The following ELN variants were observed in gnomAD, a reference collection of about 807,000 sequenced individuals.
The protein encoded by ELN is tropoelastin.
A neutral mutation model predicts 105.8 loss-of-function variants in ELN; 65 were observed. The ratio of observed to expected loss-of-function variants is 0.61; its 90% CI spans 0.50 to 0.75. ELN has a LOEUF of 0.75. Among genes scored for constraint, ELN ranks in the 30% least tolerant of loss-of-function variants. The pLI, the probability that ELN is intolerant of heterozygous loss-of-function variation, is 0.00. For missense variants in ELN, 882 were observed against 969.4 expected, an observed-to-expected ratio of 0.91 and a Z score of 1.20; for synonymous variants, 368 against 389.2, an observed-to-expected ratio of 0.95 and a Z score of 0.64.
Position 74,060,472 on chromosome 7 carries a change from T to G in ELN, c.1718T>G (p.Val573Gly), listed in dbSNP as rs782570646. The change falls in exon 25 of 33, where the codon GTT becomes GGT. Residue 573 changes from valine (V) to glycine (G), a missense_variant. Val to Gly is a moderately radical substitution (Grantham distance 109). Transcript: ENST00000252034. ...GGTGCTGGTGTTCCTGGACTTGGAG[T>G]TGGTGCTGGTGTTCCTGGCTTCGGG... ...GVGAGVPGLG[V>G]GAGVPGFGAV... is the part of the protein sequence containing the mutation. 1.9e-6 allele frequency: 3 copies of G among 1,613,966 alleles called. No homozygotes were observed. Among genetic ancestry groups the G allele is most frequent in the Non-Finnish European group, 2.5e-6 (3 of 1,179,982 alleles).
chr7:74,058,773 G>A (rs1554682081), intron 22 of ELN, among the ~76,000 whole-genome samples: 1 of 152,192 alleles, frequency 6.6e-6, no homozygotes, highest in African/African-American at 2.4e-5. Flanking sequence ...GAGCTCAACT[G>A]TATGTCAGGC....
Position 74,046,799 on chromosome 7 carries a change from C to T in ELN, c.643+32C>T. 2.5e-6 allele frequency: 4 copies of T among 1,612,390 alleles called. No individual in the cohort carries two copies. The South Asian group carries it at 4.4e-5, about 18-fold the overall frequency. On this transcript the variant is annotated intron_variant, in intron 12 of 32. Transcript: ENST00000252034. ...CAGAGGGACGGTTCAAGATGCACCA[C>T]TCGGCCGGGTGTGGTGGTTCACACC...
intron 1 of ELN, among the ~76,000 whole-genome samples, chr7:74,033,783 C>T (rs1489917482): frequency 3.3e-5 from 5 of 152,236 alleles, no homozygotes; most frequent in Admixed American, 6.5e-5. Context: ...CAGAGACACC[C>T]GTTCCCCCAG....
intron 23 of ELN, 26 bp downstream of exon 23, chr7:74,060,073 G>A (rs56271505): frequency 6.2e-7 from 1 of 1,614,156 alleles, no homozygotes; most frequent in African/African-American, 1.3e-5. Context: ...CAATGAGCCT[G>A]AGGGGCCCCC....
At chr7:74,060,695 C>CA (rs1175834909) in intron 25 of ELN, 194 bp downstream of exon 25, 1 of 1,442,958 alleles carries the variant, frequency 6.9e-7, no homozygotes, top group African/African-American at 1.4e-5. Context: ...CCAGGCTGCC[C>CA]AATTGCAGAG....
At chr7:74,043,221 G>A in intron 8 of ELN, 53 bp downstream of exon 8, 1 of 1,555,190 alleles carries the variant, frequency 6.4e-7, no homozygotes, top group Non-Finnish European at 8.7e-7. Context: ...GGGGCAGAGG[G>A]CAGGGAGGAA....
rs1792226055 is a variant in ELN at position 74,045,384 on chromosome 7, G to T, written c.541+91G>T. 3 of 1,446,426 alleles carry T rather than the reference G, an allele frequency of 2.1e-6. No homozygotes were observed. The South Asian group carries it at 3.5e-5, about 17-fold the overall frequency. 89.6% of individuals were successfully genotyped at this position (1,446,426 alleles called of 1,614,324 possible). A position where few individuals can be genotyped will look rare whatever the true frequency, so the allele number is the denominator to read the frequency against. Reference sequence around the variant, plus strand: ...TGAAATGGGGTGGGATCCTGGACTGGCTCAGGGCCCTCTGGGTGACACTTT... The same window carrying T: ...TGAAATGGGGTGGGATCCTGGACTGTCTCAGGGCCCTCTGGGTGACACTTT... On this transcript the variant is annotated intron_variant, in intron 10 of 32. Transcript: ENST00000252034.
intron 26 of ELN, 100 bp downstream of exon 26, chr7:74,061,239 G>T: frequency 6.7e-7 from 1 of 1,486,464 alleles, no homozygotes; most frequent in Non-Finnish European, 9.3e-7. Flanking sequence ...AGTTTCGGCC[G>T]GGCGTGGTGG....
At chr7:74,052,863 A>G (rs1309413165) in intron 17 of ELN, 6 of 402,512 alleles carry the variant, frequency 1.5e-5, no homozygotes, top group Admixed American at 4.0e-5. Flanking sequence ...GGGAGAGAGA[A>G]AGAAAGAAAG....
At chr7:74,054,124 G>A (rs1794739129) in intron 18 of ELN, among the ~76,000 whole-genome samples, 1 of 152,240 alleles carries the variant, frequency 6.6e-6, no homozygotes, top group African/African-American at 2.4e-5. Flanking sequence ...GCAGATAGAT[G>A]AGTGGACAGA....
intron 11 of ELN, 163 bp from the exon 12 acceptor site, chr7:74,046,533 A>G: frequency 1.3e-6 from 1 of 796,232 alleles, no homozygotes; most frequent in Non-Finnish European, 2.1e-6. Context: ...TGTCACTGGG[A>G]ATTTCTCAAC....
chr7:74,036,200 G>T (rs781811504), intron 2 of ELN, among the ~76,000 whole-genome samples: 1 of 151,920 alleles, frequency 6.6e-6, no homozygotes, highest in Non-Finnish European at 1.5e-5. Context: ...TAAGGCAGGA[G>T]AATGATGTGA....
chr7:74,050,490 C>A (rs187942452), intron 15 of ELN, among the ~76,000 whole-genome samples: 1 of 151,890 alleles, frequency 6.6e-6, no homozygotes, highest in Non-Finnish European at 1.5e-5. Context: ...CCCATTCTTC[C>A]GTGCATCCCT....
intron 9 of ELN, among the ~76,000 whole-genome samples, chr7:74,044,185 G>A (rs1791920943): frequency 6.6e-6 from 1 of 152,124 alleles, no homozygotes; most frequent in Non-Finnish European, 1.5e-5. Flanking sequence ...AGGCTGCAGT[G>A]AGCTACGATG....
At chr7:74,046,599 G>A (rs998552289) in intron 11 of ELN, 97 bp from the exon 12 acceptor site, 1 of 1,342,722 alleles carries the variant, frequency 7.4e-7, no homozygotes, top group Non-Finnish European at 1.1e-6. Context: ...TCTGGATGCT[G>A]TAGCAAGCTC....
At position 74,063,628 on chromosome 7, in the gene ELN, G is replaced by T. The variant is rs782648490; in HGVS notation, c.1926G>T (p.Val642=). Reference sequence around the variant, plus strand: ...GCTCAGCTGTCTCCACAGGCCTAGTGGGAGCCGCTGGGCTCGGAGGACTCG... The same window carrying T: ...GCTCAGCTGTCTCCACAGGCCTAGTTGGAGCCGCTGGGCTCGGAGGACTCG... The part of the protein sequence containing the change: ...AAAKAAQFGL[V]GAAGLGGLGV... Residue 642 remains valine (V), a synonymous_variant, in exon 29 of 33, where the codon GTG becomes GTT. Coordinates refer to ENST00000252034, the MANE Select transcript of ELN (RefSeq NM_000501.4). The surrounding 1 kb of genome is among the most constrained non-coding windows in gnomAD (Gnocchi z 4.1). The T allele has an allele frequency of 6.2e-7, 1 of 1,614,192 alleles. No individual in the cohort carries two copies. The highest frequency in any genetic ancestry group is 1.1e-5 in the South Asian group (1 of 91,080).
intron 2 of ELN, chr7:74,035,742 G>A: frequency 2.5e-6 from 1 of 402,068 alleles, no homozygotes; most frequent in Non-Finnish European, 4.7e-6. Flanking sequence ...AATTAGCCAT[G>A]TTCTGCATTG....
intron 5 of ELN, 89 bp downstream of exon 5, chr7:74,041,340 AAGGGTGCAGGCC>A: frequency 6.5e-7 from 1 of 1,545,342 alleles, no homozygotes; most frequent in Non-Finnish European, 8.9e-7. Flanking sequence ...GTCATGGAAC[AAGGGTGCAGGCC>A]AGGTTCCGTC....
chr7:74,063,480 C>G lies in ELN; in HGVS notation c.1918+111C>G. ...TCAGAGTCCCTGCCCCAGACACCTC[C>G]TGGCTCCACTGTGCCATCGAAGGCC... On this transcript the variant is annotated intron_variant, in intron 28 of 32. Coordinates refer to ENST00000252034, the MANE Select transcript of ELN (RefSeq NM_000501.4). The surrounding 1 kb of genome is among the most constrained non-coding windows in gnomAD (Gnocchi z 4.1). 1 of 1,601,822 alleles carries G rather than the reference C, an allele frequency of 6.2e-7. No individual in the cohort carries two copies. Among genetic ancestry groups the G allele is most frequent in the Non-Finnish European group, 8.5e-7 (1 of 1,175,710 alleles).
Sources: allele counts gnomAD v4.1 joint callset (sites outside exome capture counted in the v4.1 genomes callset), GRCh38; gene constraint gnomAD v4.1.1; non-coding constraint Gnocchi (gnomAD v3.1); transcripts MANE v1.5; gene names NCBI Gene and HGNC (gene_info 2026-07-23, HGNC 2026-07-21).